Variants in ACACA observed in about 807,000 individuals in gnomAD.
The protein encoded by ACACA is acetyl-CoA carboxylase alpha.
Under a neutral mutation model 296.1 loss-of-function variants are expected in ACACA, and 103 were observed. The observed-to-expected ratio is 0.35, with a 90% CI of 0.30 to 0.41. ACACA has a LOEUF of 0.41. Among genes scored for constraint, ACACA ranks in the 10% least tolerant of loss-of-function variants. The probability of loss-of-function intolerance (pLI) is 1.00; values close to 1 mark genes in which losing one functional copy is unlikely to be tolerated. For missense variants in ACACA, 1,554 were observed against 2,989.7 expected (o/e 0.52, Z 11.20); for synonymous variants, 953 against 1,038.6 (o/e 0.92, Z 1.58).
At chr17:37,156,076 T>TG (rs2076235575) in intron 42 of ACACA, among the ~76,000 whole-genome samples, 1 of 141,946 alleles carries the variant, frequency 7.0e-6, no homozygotes, top group African/African-American at 2.6e-5. Context: ...TTTTTTTTTT[T>TG]TTGTTGAGAT....
intron 2 of ACACA, 28 bp downstream of exon 2, chr17:37,339,776 T>C (rs763270322): frequency 4.5e-6 from 6 of 1,334,964 alleles, no homozygotes; most frequent in Non-Finnish European, 6.4e-6. Context: ...TATCACATTG[T>C]AAACAAGGAG....
At chr17:37,146,486 A>T (rs1459571671) in intron 45 of ACACA, among the ~76,000 whole-genome samples, 2 of 152,098 alleles carry the variant, frequency 1.3e-5, no homozygotes, top group African/African-American at 4.8e-5. Flanking sequence ...GAAAGTTTTT[A>T]AAAATCTCTG....
intron 1 of ACACA, among the ~76,000 whole-genome samples, chr17:37,346,354 T>C (rs1256197883): frequency 1.4e-5 from 2 of 146,054 alleles, no homozygotes; most frequent in Admixed American, 1.4e-4. Flanking sequence ...ATGTAAGATA[T>C]TAACAATTGC....
chr17:37,205,937 T>G (rs1007245328), intron 32 of ACACA, 65 bp from the exon 33 acceptor site: 14 of 1,327,454 alleles, frequency 1.1e-5, no homozygotes, highest in Middle Eastern at 1.8e-4. Context: ...AGATAGAAGT[T>G]ATAATATTTG....
intron 1 of ACACA, among the ~76,000 whole-genome samples, chr17:37,347,246 T>C (rs2048668168): frequency 6.6e-6 from 1 of 152,190 alleles, no homozygotes; most frequent in Admixed American, 6.5e-5. Context: ...ATGTAAAACA[T>C]GACGTGCTCC....
intron 52 of ACACA, among the ~76,000 whole-genome samples, chr17:37,098,753 A>C (rs906939133): frequency 2.0e-5 from 3 of 152,222 alleles, no homozygotes; most frequent in Admixed American, 6.5e-5. Flanking sequence ...GCAGTTGGCA[A>C]ACCTCATTTG....
chr17:37,255,740 T>C (rs2081197729), intron 14 of ACACA, among the ~76,000 whole-genome samples: 3 of 152,070 alleles, frequency 2.0e-5, no homozygotes, highest in Admixed American at 1.3e-4. Context: ...GTTTTTTGTT[T>C]GTTTGTTTGT....
intron 25 of ACACA, among the ~76,000 whole-genome samples, chr17:37,234,285 G>A (rs564068440): frequency 1.3e-5 from 2 of 152,282 alleles, no homozygotes; most frequent in Admixed American, 1.3e-4. Context: ...ACCAGAATGA[G>A]CTAGGAGTGA....
intron 3 of ACACA, among the ~76,000 whole-genome samples, chr17:37,306,683 G>A (rs994245095): frequency 6.6e-5 from 10 of 151,710 alleles, no homozygotes; most frequent in African/African-American, 4.8e-5. Flanking sequence ...TCAATATTAT[G>A]TGTATAAATT....
At chr17:37,316,166 C>T (rs1293967781) in intron 3 of ACACA, among the ~76,000 whole-genome samples, 2 of 151,994 alleles carry the variant, frequency 1.3e-5, no homozygotes, top group Non-Finnish European at 2.9e-5. Context: ...TCTGTCTTAC[C>T]GGCCTCTTCT....
chr17:37,204,669 C>G (rs1345587794), intron 33 of ACACA, among the ~76,000 whole-genome samples: 1 of 152,066 alleles, frequency 6.6e-6, no homozygotes, highest in Non-Finnish European at 1.5e-5. Flanking sequence ...GTTCTTAAGA[C>G]AAACAAGATT....
intron 43 of ACACA, among the ~76,000 whole-genome samples, chr17:37,154,099 G>A (rs1455280818): frequency 6.6e-6 from 1 of 152,044 alleles, no homozygotes; most frequent in Non-Finnish European, 1.5e-5. Context: ...TTGAGGTCAG[G>A]AGTTCGAGAC....
intron 1 of ACACA, among the ~76,000 whole-genome samples, chr17:37,342,476 T>C (rs1485819157): frequency 7.7e-6 from 1 of 129,870 alleles, no homozygotes; most frequent in East Asian, 2.3e-4. Flanking sequence ...CACACACATA[T>C]ATTTTTAAAT....
chr17:37,318,055 A>C (rs1402311700), intron 3 of ACACA, among the ~76,000 whole-genome samples: 1 of 152,194 alleles, frequency 6.6e-6, no homozygotes, highest in East Asian at 1.9e-4. Flanking sequence ...GGAAGGGAAG[A>C]AGCTCAGGAA....
At chr17:37,139,176 A>T (rs1047974194) in intron 45 of ACACA, among the ~76,000 whole-genome samples, 4 of 152,246 alleles carry the variant, frequency 2.6e-5, no homozygotes, top group African/African-American at 9.6e-5. Flanking sequence ...TGTAACACAC[A>T]ACTGAATATA....
At chr17:37,201,924 A>T (rs947735277) in intron 33 of ACACA, among the ~76,000 whole-genome samples, 1 of 152,236 alleles carries the variant, frequency 6.6e-6, no homozygotes, top group African/African-American at 2.4e-5. Flanking sequence ...TTTTATTAAC[A>T]GCATAAACAA....
At chr17:37,135,538 G>GATAAACT (rs1390291754) in intron 45 of ACACA, among the ~76,000 whole-genome samples, 1 of 152,142 alleles carries the variant, frequency 6.6e-6, no homozygotes, top group Non-Finnish European at 1.5e-5. Context: ...TATGCTGAAG[G>GATAAACT]ATAAACTGGG....
chr17:37,338,220 C>A (rs2048219039), intron 2 of ACACA, among the ~76,000 whole-genome samples: 1 of 148,644 alleles, frequency 6.7e-6, no homozygotes, highest in Admixed American at 6.7e-5. Context: ...GAGCGAGACT[C>A]CGTCTCAAAA....
chr17:37,221,698 G>A (rs775047878), intron 29 of ACACA, 26 bp downstream of exon 29: 58 of 1,549,868 alleles, frequency 3.7e-5, no homozygotes, highest in African/African-American at 1.2e-4. Flanking sequence ...TGGCTGGCTC[G>A]GGTGCACATA....
Sources: gnomAD v4.1 joint callset for allele counts (sites outside exome capture counted in the v4.1 genomes callset) on GRCh38, gnomAD v4.1.1 for gene constraint, MANE v1.5 for transcripts, NCBI Gene and HGNC (gene_info 2026-07-23, HGNC 2026-07-21) for gene names.